Variants in GPATCH2 observed in about 807,000 individuals in gnomAD.
GPATCH2 encodes G-patch domain containing 2.
A neutral mutation model predicts 58.0 loss-of-function variants in GPATCH2; 51 were observed. The ratio of observed to expected loss-of-function variants is 0.88; its 90% CI spans 0.70 to 1.11. The LOEUF is 1.11. Ranked by LOEUF, GPATCH2 falls within the 50% of genes most tolerant of loss-of-function variation. GPATCH2 has a pLI of 0.00. For synonymous variants in GPATCH2, 222 were observed against 218.5 expected (o/e 1.02, Z -0.14); for missense variants, 625 against 652.2 (o/e 0.96, Z 0.45).
At chr1:217,567,137 C>T (rs770793577) in intron 5 of GPATCH2, among the ~76,000 whole-genome samples, 3 of 151,482 alleles carry the variant, frequency 2.0e-5, no homozygotes, top group South Asian at 4.2e-4. Context: ...ACCTCCACCT[C>T]CTAGGTTCAA....
chr1:217,431,328 A>G lies in GPATCH2; in HGVS notation c.1404T>C (p.Asn468=), dbSNP rs766776720. The change falls in exon 10 of 10, where the codon AAT becomes AAC. Residue 468 remains asparagine (N), a synonymous_variant. Transcript: ENST00000366935. ...VGENAQPILE[N]NIGNRMLQNM... ...TCTGAAGCATTCGGTTTCCAATATT[A>G]TTTTCTAGGATTGGCTGGGCATTTT... is the stretch of plus-strand genomic sequence containing the variant. 19 of 1,607,636 alleles carry G rather than the reference A, an allele frequency of 1.2e-5. No individual in the cohort carries two copies. The highest frequency in any genetic ancestry group is 1.5e-5 in the Non-Finnish European group (18 of 1,174,172).
intron 7 of GPATCH2, 47 bp downstream of exon 7, chr1:217,498,309 C>G (rs776182931): frequency 6.9e-7 from 1 of 1,445,794 alleles, no homozygotes; most frequent in Admixed American, 1.7e-5. Flanking sequence ...CAGTTAAATA[C>G]TTGAAAGAGG....
chr1:217,468,742 T>C (rs1376846375), intron 8 of GPATCH2, among the ~76,000 whole-genome samples: 1 of 152,066 alleles, frequency 6.6e-6, no homozygotes, highest in Admixed American at 6.6e-5. Flanking sequence ...ATAATGATAC[T>C]GAGACTTTTT....
Position 217,491,719 on chromosome 1 carries a change from CT to C in GPATCH2, c.1237del (p.Arg413GlufsTer9). On this transcript the variant is annotated frameshift_variant, in exon 8 of 10. Coordinates refer to ENST00000366935, the MANE Select transcript of GPATCH2 (RefSeq NM_018040.5). LOFTEE classifies it high-confidence loss of function. ...HQLLRDNRAE[R>X]GHKKNCSVRT... The stretch of plus-strand genomic sequence containing the variant: ...CACAGAACAATTTTTCTTGTGTCCT[CT>C]TTCAGCTCGATTATCTCTCAGAAGC... 1 of 1,510,452 alleles carries C rather than the reference CT, an allele frequency of 6.6e-7. No homozygotes were observed. The highest frequency in any genetic ancestry group is 9.1e-7 in the Non-Finnish European group (1 of 1,096,726). The allele number at this position is 1,510,452 out of a possible 1,614,324, so 93.6% of individuals were successfully genotyped here. A position where few individuals can be genotyped will look rare whatever the true frequency, so the allele number is the denominator to read the frequency against.
intron 5 of GPATCH2, among the ~76,000 whole-genome samples, chr1:217,517,241 T>C (rs890973665): frequency 9.2e-5 from 14 of 152,184 alleles, no homozygotes; most frequent in African/African-American, 3.4e-4. Context: ...GACTATCCTT[T>C]ATTGTTATTT....
At chr1:217,484,554 ATT>A (rs923225939) in intron 8 of GPATCH2, among the ~76,000 whole-genome samples, 31 of 73,086 alleles carry the variant, frequency 4.2e-4, no homozygotes, top group African/African-American at 1.0e-3. Context: ...ATATATAATT[ATT>A]TATATATATA....
At chr1:217,557,305 G>A (rs1365500939) in intron 5 of GPATCH2, among the ~76,000 whole-genome samples, 1 of 151,234 alleles carries the variant, frequency 6.6e-6, no homozygotes, top group Non-Finnish European at 1.5e-5. Context: ...TATTCAGGTA[G>A]CTTGGGCAGG....
chr1:217,515,800 A>T (rs1053887000), intron 5 of GPATCH2, among the ~76,000 whole-genome samples: 2 of 29,144 alleles, frequency 6.9e-5, no homozygotes, highest in African/African-American at 1.4e-4. Flanking sequence ...CTTATTACAT[A>T]AAAAAAAAAG....
At chr1:217,595,479 A>C (rs1667777291) in intron 5 of GPATCH2, among the ~76,000 whole-genome samples, 1 of 152,030 alleles carries the variant, frequency 6.6e-6, no homozygotes, top group Non-Finnish European at 1.5e-5. Flanking sequence ...TGGAGTTCAG[A>C]GATCTAACTG....
chr1:217,630,641 A>G (rs995215983), intron 1 of GPATCH2, among the ~76,000 whole-genome samples: 3 of 152,202 alleles, frequency 2.0e-5, no homozygotes, highest in African/African-American at 7.2e-5. Context: ...ATCAATGAGG[A>G]GATGAATTGC....
chr1:217,480,437 A>G (rs1313319773), intron 8 of GPATCH2, among the ~76,000 whole-genome samples: 2 of 152,204 alleles, frequency 1.3e-5, no homozygotes, highest in Admixed American at 6.5e-5. Context: ...TCAAACCACA[A>G]TGAAATATCA....
At chr1:217,472,450 C>T (rs1660770172) in intron 8 of GPATCH2, among the ~76,000 whole-genome samples, 1 of 151,910 alleles carries the variant, frequency 6.6e-6, no homozygotes, top group African/African-American at 2.4e-5. Context: ...TACAGGCGCC[C>T]GCCACCACGC....
intron 8 of GPATCH2, among the ~76,000 whole-genome samples, chr1:217,450,282 G>C (rs1346029996): frequency 2.0e-5 from 3 of 151,966 alleles, no homozygotes; most frequent in Non-Finnish European, 4.4e-5. Context: ...AGAGATATCT[G>C]ACAGTATCTT....
At chr1:217,431,500 T>A in intron 9 of GPATCH2, 135 bp from the exon 10 acceptor site, 1 of 625,446 alleles carries the variant, frequency 1.6e-6, no homozygotes, top group Non-Finnish European at 2.9e-6. Flanking sequence ...TGCGTATTCA[T>A]CTTTGGATAC....
chr1:217,532,929 C>G (rs148390478), intron 5 of GPATCH2, among the ~76,000 whole-genome samples: 19 of 140,452 alleles, frequency 1.4e-4, no homozygotes, highest in African/African-American at 4.7e-4. Flanking sequence ...GACAGGATCT[C>G]CCTCTGGCAC....
At chr1:217,464,219 C>T (rs1194596978) in intron 8 of GPATCH2, among the ~76,000 whole-genome samples, 1 of 152,116 alleles carries the variant, frequency 6.6e-6, no homozygotes, top group African/African-American at 2.4e-5. Flanking sequence ...TAACATGTGG[C>T]ATTACTGAAA....
At chr1:217,486,735 T>C (rs374235668) in intron 8 of GPATCH2, among the ~76,000 whole-genome samples, 3 of 152,290 alleles carry the variant, frequency 2.0e-5, no homozygotes, top group East Asian at 3.9e-4. Flanking sequence ...TTGTGAGCCT[T>C]AGAGTGGAGA....
chr1:217,602,649 G>A (rs890192811), intron 5 of GPATCH2, among the ~76,000 whole-genome samples: 2 of 152,114 alleles, frequency 1.3e-5, no homozygotes, highest in African/African-American at 4.8e-5. Flanking sequence ...CAGACCAGAA[G>A]GTGCTAGAAT....
chr1:217,596,715 G>A (rs867207330), intron 5 of GPATCH2, among the ~76,000 whole-genome samples: 8 of 152,002 alleles, frequency 5.3e-5, no homozygotes, highest in South Asian at 2.1e-4. Context: ...GAATCTCTCC[G>A]CCATTTTTTC....
Sources: allele counts gnomAD v4.1 joint callset (sites outside exome capture counted in the v4.1 genomes callset), GRCh38; gene constraint gnomAD v4.1.1; transcripts MANE v1.5; gene names NCBI Gene and HGNC (gene_info 2026-07-23, HGNC 2026-07-21).